The following ABTB3 variants were observed in gnomAD, a reference collection of about 807,000 sequenced individuals.
ABTB3 encodes ankyrin repeat and BTB domain containing 3, also known as ankyrin repeat- and BTB/POZ domain-containing protein 3.
the ABTB3 span, among the ~76,000 whole-genome samples, chr12:107,537,345 A>G: frequency 6.6e-6 from 1 of 152,158 alleles, no homozygotes; most frequent in Non-Finnish European, 1.5e-5. Context: ...GTTAACAATA[A>G]TGTATAAGTT....
the ABTB3 span, chr12:107,649,981 A>G: frequency 6.6e-6 from 1 of 152,186 alleles, no homozygotes; most frequent in Non-Finnish European, 1.5e-5. Flanking sequence ...TGAAACTGGG[A>G]GCTTTGAACC....
chr12:107,404,095 A>G, the ABTB3 span, among the ~76,000 whole-genome samples: 1 of 142,574 alleles, frequency 7.0e-6, no homozygotes. Context: ...CCCGGGAGGC[A>G]GAGGTTCTAG....
chr12:107,635,379 C>A, the ABTB3 span: 1 of 1,613,886 alleles, frequency 6.2e-7, no homozygotes, highest in East Asian at 2.2e-5. Context: ...CGGAAACAGA[C>A]CTCGCGCTTG....
the ABTB3 span, among the ~76,000 whole-genome samples, chr12:107,340,834 T>C: frequency 6.6e-6 from 1 of 152,206 alleles, no homozygotes; most frequent in Non-Finnish European, 1.5e-5. Flanking sequence ...TCCCCAGGTA[T>C]GTTTTCGAAA....
the ABTB3 span, among the ~76,000 whole-genome samples, chr12:107,619,582 C>T: frequency 2.4e-4 from 36 of 152,290 alleles, no homozygotes; most frequent in African/African-American, 7.2e-4. Context: ...TCTTCTCCCC[C>T]CTGAGCTTCT....
At chr12:107,651,112 C>T in the ABTB3 span, among the ~76,000 whole-genome samples, 2 of 151,946 alleles carry the variant, frequency 1.3e-5, no homozygotes, top group African/African-American at 4.8e-5. Flanking sequence ...CGAGCATCTC[C>T]GAGGCCGGCA....
chr12:107,636,117 A>G, the ABTB3 span, among the ~76,000 whole-genome samples: 1 of 152,076 alleles, frequency 6.6e-6, no homozygotes. Flanking sequence ...GTAGAGGGTG[A>G]AGCTGGAACT....
chr12:107,524,373 A>G, the ABTB3 span, among the ~76,000 whole-genome samples: 2 of 152,204 alleles, frequency 1.3e-5, no homozygotes, highest in Admixed American at 6.5e-5. Context: ...GTGTACATAG[A>G]GAGCTGTTCT....
At chr12:107,322,681 AG>A in the ABTB3 span, among the ~76,000 whole-genome samples, 1 of 74,600 alleles carries the variant, frequency 1.3e-5, no homozygotes, top group Non-Finnish European at 2.7e-5. Context: ...TGTATCCAGC[AG>A]GGCTCTGTAT....
At chr12:107,580,877 T>C in the ABTB3 span, 2 of 1,550,508 alleles carry the variant, frequency 1.3e-6, no homozygotes, top group East Asian at 2.4e-5. Context: ...CCTCCTAGCC[T>C]TTCCTAGTCA....
the ABTB3 span, among the ~76,000 whole-genome samples, chr12:107,647,410 T>C: frequency 6.6e-6 from 1 of 151,792 alleles, no homozygotes; most frequent in Non-Finnish European, 1.5e-5. Flanking sequence ...GAGGCTGAGG[T>C]GGGGGGATTG....
the ABTB3 span, among the ~76,000 whole-genome samples, chr12:107,575,835 T>C: frequency 1.3e-5 from 2 of 152,332 alleles, no homozygotes; most frequent in African/African-American, 4.8e-5. Context: ...TTTCACAGGT[T>C]CTAGGGATTA....
the ABTB3 span, chr12:107,640,224 C>G: frequency 1.4e-6 from 1 of 702,016 alleles, no homozygotes; most frequent in Non-Finnish European, 2.3e-6. Flanking sequence ...TTTCCTTGCT[C>G]ACTCTTATTT....
the ABTB3 span, among the ~76,000 whole-genome samples, chr12:107,342,536 A>G: frequency 6.6e-6 from 1 of 151,808 alleles, no homozygotes; most frequent in African/African-American, 2.4e-5. Context: ...GCCTCGCCTT[A>G]CTCTCATCCA....
the ABTB3 span, among the ~76,000 whole-genome samples, chr12:107,353,776 G>C: frequency 6.6e-6 from 1 of 152,260 alleles, no homozygotes; most frequent in South Asian, 2.1e-4. Flanking sequence ...TCACAGAAGG[G>C]TGAACCCTAT....
chr12:107,642,033 G>A, the ABTB3 span: 52 of 1,528,288 alleles, frequency 3.4e-5, no homozygotes, highest in Admixed American at 7.5e-4. Context: ...AGAGTTTTTT[G>A]TGAGCCATGG....
At chr12:107,340,144 G>A in the ABTB3 span, among the ~76,000 whole-genome samples, 1 of 151,960 alleles carries the variant, frequency 6.6e-6, no homozygotes, top group Non-Finnish European at 1.5e-5. Flanking sequence ...AAGCATGTTA[G>A]CCATTTACAT....
the ABTB3 span, among the ~76,000 whole-genome samples, chr12:107,345,941 A>T: frequency 6.6e-6 from 1 of 152,212 alleles, no homozygotes; most frequent in Non-Finnish European, 1.5e-5. Flanking sequence ...TATCTCAATT[A>T]ATCTTCATAA....
the ABTB3 span, among the ~76,000 whole-genome samples, chr12:107,573,979 G>A: frequency 6.6e-6 from 1 of 152,150 alleles, no homozygotes; most frequent in South Asian, 2.1e-4. Context: ...AACATCACAA[G>A]GTGTCTTTCT....
Sources: allele counts gnomAD v4.1 joint callset (sites outside exome capture counted in the v4.1 genomes callset), GRCh38; gene constraint gnomAD v4.1.1; transcripts MANE v1.5; gene names NCBI Gene and HGNC (gene_info 2026-07-23, HGNC 2026-07-21).